The following CCDC85A variants were observed in gnomAD, a reference collection of about 807,000 sequenced individuals.
CCDC85A encodes coiled-coil domain-containing protein 85A.
CCDC85A carries 38 observed loss-of-function variants against 50.2 expected under a neutral mutation model. The ratio of observed to expected loss-of-function variants is 0.76; its 90% confidence interval spans 0.58 to 0.99. The LOEUF is 0.99. Among genes scored for constraint, CCDC85A ranks in the 50% least tolerant of loss-of-function variants. CCDC85A has a pLI of 0.00. For missense variants in CCDC85A, 820 were observed against 742.0 expected, an observed-to-expected ratio of 1.11 and a Z score of -1.22; for synonymous variants, 366 against 301.4, an observed-to-expected ratio of 1.21 and a Z score of -2.22.
intron 4 of CCDC85A, 39 bp from the exon 5 acceptor site, chr2:56,375,777 C>A: frequency 6.2e-7 from 1 of 1,604,828 alleles, no homozygotes; most frequent in East Asian, 2.2e-5. Flanking sequence ...TTATAAACGA[C>A]TTTTGTTTTA....
At chr2:56,239,622 T>C (rs1247842267) in intron 2 of CCDC85A, among the ~76,000 whole-genome samples, 1 of 152,130 alleles carries the variant, frequency 6.6e-6, no homozygotes, top group East Asian at 1.9e-4. Context: ...TTGAACAGTG[T>C]TTCTGAGGGT....
At chr2:56,319,541 C>G (rs1440723766) in intron 2 of CCDC85A, among the ~76,000 whole-genome samples, 1 of 152,028 alleles carries the variant, frequency 6.6e-6, no homozygotes, top group Non-Finnish European at 1.5e-5. Flanking sequence ...TTTTTCGATG[C>G]TGATAAAAGT....
chr2:56,342,986 C>G (rs1349571594), intron 3 of CCDC85A, 31 bp downstream of exon 3: 27 of 1,430,904 alleles, frequency 1.9e-5, no homozygotes, highest in Non-Finnish European at 2.5e-5. Context: ...CATAGCTAGT[C>G]AGTGCCATTT....
intron 2 of CCDC85A, among the ~76,000 whole-genome samples, chr2:56,328,621 A>G (rs1233695387): frequency 1.3e-5 from 2 of 152,208 alleles, no homozygotes; most frequent in Non-Finnish European, 2.9e-5. Flanking sequence ...TGAACAAAAT[A>G]GAACTTTTGG....
intron 2 of CCDC85A, among the ~76,000 whole-genome samples, chr2:56,254,164 A>C (rs527827152): frequency 1.3e-5 from 2 of 152,236 alleles, no homozygotes; most frequent in Admixed American, 6.5e-5. Context: ...AGCTGGAGTA[A>C]TTGTTCAGGT....
At chr2:56,338,364 G>A (rs1674185089) in intron 2 of CCDC85A, among the ~76,000 whole-genome samples, 1 of 152,114 alleles carries the variant, frequency 6.6e-6, no homozygotes, top group African/African-American at 2.4e-5. Flanking sequence ...GAGTGTACCG[G>A]GAGATCACCT....
At position 56,212,232 on chromosome 2, in the gene CCDC85A, A is replaced by G. The variant is rs567653042; in HGVS notation, c.1240+18792A>G. ...CATCTTTGAGTTTTTGTGGCATTCC[A>G]TAGTATTTATCCCAGTATAATAGTT... On this transcript the variant is annotated intron_variant, in intron 2 of 5. Coordinates refer to ENST00000407595, the MANE Select transcript of CCDC85A (RefSeq NM_001080433.2). Among the ~76,000 whole-genome samples the G allele has an allele frequency of 3.7e-4, 57 of 152,148 alleles. 3 individuals are homozygous for G. In the South Asian group the frequency reaches 0.012, roughly 32 times the overall value.
intron 2 of CCDC85A, among the ~76,000 whole-genome samples, chr2:56,229,681 T>C (rs1227645305): frequency 2.6e-5 from 4 of 152,176 alleles, no homozygotes; most frequent in African/African-American, 9.6e-5. Context: ...TCTTTAAAGA[T>C]AATAGAACCA....
chr2:56,198,875 C>G (rs762248508), intron 2 of CCDC85A, among the ~76,000 whole-genome samples: 2 of 152,278 alleles, frequency 1.3e-5, no homozygotes, highest in Admixed American at 1.3e-4. Flanking sequence ...GCCAAACATT[C>G]AACTGTTTTC....
chr2:56,192,986 C>T lies in CCDC85A; in HGVS notation c.786C>T (p.Pro262=). ...CCAGCCCCGAGCATCCACAGAAACC[C>T]AGAGCCTGTGGAACCCCAGATCGCC... The part of the protein sequence containing the change: ...RSASPEHPQK[P]RACGTPDRPK... The change falls in exon 2 of 6, where the codon CCC becomes CCT. Residue 262 remains proline, a synonymous_variant. Coordinates refer to ENST00000407595, the MANE Select transcript of CCDC85A (RefSeq NM_001080433.2). The surrounding 1 kb of genome is among the most constrained non-coding windows in gnomAD (Gnocchi z 4.7). 1 of 1,613,666 alleles carries T rather than the reference C, an allele frequency of 6.2e-7. No individual in the cohort carries two copies. Among genetic ancestry groups the T allele is most frequent in the Non-Finnish European group, 8.5e-7 (1 of 1,179,836 alleles).
At chr2:56,255,238 T>C (rs937356516) in intron 2 of CCDC85A, among the ~76,000 whole-genome samples, 1 of 152,216 alleles carries the variant, frequency 6.6e-6, no homozygotes, top group African/African-American at 2.4e-5. Flanking sequence ...TAATAGCATT[T>C]ACTGAAGTGA....
chr2:56,267,573 A>G (rs1326635626), intron 2 of CCDC85A, among the ~76,000 whole-genome samples: 1 of 152,202 alleles, frequency 6.6e-6, no homozygotes, highest in Non-Finnish European at 1.5e-5. Flanking sequence ...GCGCCAACAT[A>G]GCTCGAGCAT....
chr2:56,246,081 T>C (rs1314440795), intron 2 of CCDC85A, among the ~76,000 whole-genome samples: 1 of 152,038 alleles, frequency 6.6e-6, no homozygotes, highest in African/African-American at 2.4e-5. Context: ...TGTGCCACCA[T>C]CCCTGGCTAA....
chr2:56,304,608 A>G (rs1672348736), intron 2 of CCDC85A, among the ~76,000 whole-genome samples: 1 of 152,188 alleles, frequency 6.6e-6, no homozygotes, highest in Admixed American at 6.6e-5. Context: ...AGAAATATTG[A>G]AATAGTAAAT....
At chr2:56,199,341 G>A (rs937111476) in intron 2 of CCDC85A, among the ~76,000 whole-genome samples, 5 of 152,142 alleles carry the variant, frequency 3.3e-5, no homozygotes, top group African/African-American at 1.2e-4. Flanking sequence ...GATGTTAGTC[G>A]ATCTCCACTT....
intron 2 of CCDC85A, among the ~76,000 whole-genome samples, chr2:56,337,585 C>T (rs1381360452): frequency 6.6e-6 from 1 of 151,328 alleles, no homozygotes; most frequent in South Asian, 2.1e-4. Flanking sequence ...TGTGGCTCCA[C>T]TCATATCTCT....
intron 2 of CCDC85A, among the ~76,000 whole-genome samples, chr2:56,201,594 T>G (rs1676751420): frequency 6.6e-6 from 1 of 152,194 alleles, no homozygotes; most frequent in African/African-American, 2.4e-5. Context: ...CCATAATTGC[T>G]AGTTCTTAAA....
At chr2:56,264,884 T>C (rs1670371141) in intron 2 of CCDC85A, among the ~76,000 whole-genome samples, 1 of 152,222 alleles carries the variant, frequency 6.6e-6, no homozygotes, top group Admixed American at 6.6e-5. Context: ...CATGTGCTTT[T>C]CCTTCTGCCT....
chr2:56,362,344 T>C (rs1675569892), intron 3 of CCDC85A, among the ~76,000 whole-genome samples: 2 of 152,084 alleles, frequency 1.3e-5, no homozygotes, highest in Admixed American at 1.3e-4. Flanking sequence ...AACAAGGAGA[T>C]GTCACATAGT....
Sources: gnomAD v4.1 joint callset for allele counts (sites outside exome capture counted in the v4.1 genomes callset) on GRCh38, gnomAD v4.1.1 for gene constraint, Gnocchi (gnomAD v3.1) non-coding constraint, MANE v1.5 for transcripts, NCBI Gene and HGNC (gene_info 2026-07-23, HGNC 2026-07-21) for gene names.